Variants in GLIS3 observed in about 807,000 individuals in gnomAD.
GLIS3 encodes the protein GLIS family zinc finger 3.
GLIS3 carries 53 observed loss-of-function variants against 78.6 expected under a neutral mutation model. The ratio of observed to expected loss-of-function variants is 0.67; its 90% confidence interval spans 0.54 to 0.85. The LOEUF (loss-of-function observed/expected upper bound fraction) is 0.85, where lower values mean the gene tolerates loss of function less well. Among genes scored for constraint, GLIS3 ranks in the 40% least tolerant of loss-of-function variants. The pLI is 0.00. For synonymous variants in GLIS3, 684 were observed against 509.9 expected, an observed-to-expected ratio of 1.34 and a Z score of -4.60; for missense variants, 1,703 against 1,231.1, an observed-to-expected ratio of 1.38 and a Z score of -5.74.
chr9:4,166,950 C>T lies in GLIS3; in HGVS notation c.389-41009G>A, dbSNP rs573222615. Among the ~76,000 whole-genome samples, 10 of 152,302 alleles carry T rather than the reference C, an allele frequency of 6.6e-5. No individual in the cohort carries two copies. In the East Asian group the frequency reaches 7.7e-4, roughly 12 times the overall value. On this transcript the variant is annotated intron_variant, in intron 2 of 10. Coordinates refer to ENST00000381971, the MANE Select transcript of GLIS3 (RefSeq NM_001042413.2). Reference sequence around the variant, plus strand: ...AACCAAGGTTAAAAACAAAAAGTCACGTGTGTTCCTGTTTGCGAACAACTC... The same window carrying T: ...AACCAAGGTTAAAAACAAAAAGTCATGTGTGTTCCTGTTTGCGAACAACTC...
intron 2 of GLIS3, among the ~76,000 whole-genome samples, chr9:4,156,034 G>A (rs191701307): frequency 1.4e-4 from 22 of 151,990 alleles, no homozygotes; most frequent in Admixed American, 1.4e-3. Flanking sequence ...ATAAATCCCT[G>A]AACTCCTCAT....
intron 4 of GLIS3, among the ~76,000 whole-genome samples, chr9:4,048,028 G>T (rs982496119): frequency 6.6e-6 from 1 of 152,172 alleles, no homozygotes; most frequent in African/African-American, 2.4e-5. Context: ...GGCTTAGGCA[G>T]TGGGGAAAGG....
At chr9:4,322,201 C>A (rs1472509068) in intron 2 of GLIS3, among the ~76,000 whole-genome samples, 1 of 152,188 alleles carries the variant, frequency 6.6e-6, no homozygotes, top group Non-Finnish European at 1.5e-5. Flanking sequence ...CTACAAAGGA[C>A]ATGAACTCAT....
At chr9:3,904,976 CTTTTTTTTTTTT>C (rs751912495) in intron 6 of GLIS3, among the ~76,000 whole-genome samples, 1 of 139,382 alleles carries the variant, frequency 7.2e-6, no homozygotes, top group Non-Finnish European at 1.6e-5. Flanking sequence ...TCTTATGACT[CTTTTTTTTTTTT>C]TTGAGACGGA....
At chr9:4,199,668 T>C (rs938851276) in intron 2 of GLIS3, among the ~76,000 whole-genome samples, 1 of 151,934 alleles carries the variant, frequency 6.6e-6, no homozygotes, top group Non-Finnish European at 1.5e-5. Flanking sequence ...CAAGTACTTC[T>C]AGACCTACAA....
rs1265317427 is a variant in GLIS3, at chr9:3,991,683, A to AATTTTTTTTTTTTTTTTTTTTTTTTTTT, written c.1711-54495_1711-54494insAAAAAAAAAAAAAAAAAAAAAAAAAAAT. Among the ~76,000 whole-genome samples, 24 of 87,906 alleles carry AATTTTTTTTTTTTTTTTTTTTTTTTTTT rather than the reference A, an allele frequency of 2.7e-4. 1 individual carries two copies. Among genetic ancestry groups the AATTTTTTTTTTTTTTTTTTTTTTTTTTT allele is most frequent in the South Asian group, 1.4e-3 (3 of 2,118 alleles). The allele number at this position is 87,906 out of a possible 152,430, so 57.7% of individuals were successfully genotyped here. On this transcript the variant is annotated intron_variant, in intron 4 of 10. Coordinates refer to ENST00000381971, the MANE Select transcript of GLIS3 (RefSeq NM_001042413.2). ...GTTCAGAATTTCATTAAGTAGGCTG[A>AATTTTTTTTTTTTTTTTTTTTTTTTTTT]TTTTTTTTTTTTTTTTTTTTTTTTT...
At chr9:4,306,595 T>C (rs1405542435) in intron 4 of GLIS3, among the ~76,000 whole-genome samples, 1 of 152,230 alleles carries the variant, frequency 6.6e-6, no homozygotes, top group Admixed American at 6.5e-5. Context: ...ATAGGATTTT[T>C]CTCATTCCTA....
intron 2 of GLIS3, among the ~76,000 whole-genome samples, chr9:4,267,034 G>C (rs190730833): frequency 1.3e-5 from 2 of 152,236 alleles, no homozygotes; most frequent in Admixed American, 1.3e-4. Context: ...GAAAATGTTG[G>C]TTTGAGAAAA....
rs560829094 is a variant in GLIS3, at chr9:3,986,686, G to A, written c.1711-49497C>T. ...GGCGGCCTGACTGTGAAGCCCTTTTGCCCCCTCGGGCAGTACCAGCAGGGA... is the reference window on the plus strand; with the variant it reads ...GGCGGCCTGACTGTGAAGCCCTTTTACCCCCTCGGGCAGTACCAGCAGGGA... On this transcript the variant is annotated intron_variant, in intron 4 of 10. Coordinates refer to ENST00000381971, the MANE Select transcript of GLIS3 (RefSeq NM_001042413.2). Among the ~76,000 whole-genome samples, 4 of 152,332 alleles carry A rather than the reference G, an allele frequency of 2.6e-5. No homozygotes were observed. The South Asian group carries it at 8.3e-4, about 32-fold the overall frequency.
chr9:4,405,095 C>G, the GLIS3 span, among the ~76,000 whole-genome samples: 1 of 152,100 alleles, frequency 6.6e-6, no homozygotes, highest in Non-Finnish European at 1.5e-5. Flanking sequence ...TGGCTCATGC[C>G]TGTAATCCCA....
chr9:4,145,975 T>C (rs541491290), intron 2 of GLIS3, among the ~76,000 whole-genome samples: 1 of 152,312 alleles, frequency 6.6e-6, no homozygotes, highest in South Asian at 2.1e-4. Flanking sequence ...TGAAAAGGCA[T>C]GGACAATTGA....
chr9:4,137,601 G>T (rs968770198), intron 2 of GLIS3, among the ~76,000 whole-genome samples: 7 of 148,544 alleles, frequency 4.7e-5, no homozygotes, highest in Admixed American at 6.7e-5. Context: ...ATATTATTAG[G>T]AACCTACATC....
intron 4 of GLIS3, among the ~76,000 whole-genome samples, chr9:4,075,018 T>C (rs550984095): frequency 6.6e-6 from 1 of 152,220 alleles, no homozygotes; most frequent in Non-Finnish European, 1.5e-5. Flanking sequence ...ACAGACGTAC[T>C]CACCAAATAA....
intron 1 of GLIS3, among the ~76,000 whole-genome samples, chr9:4,292,901 T>C (rs963784048): frequency 5.9e-5 from 9 of 152,190 alleles, no homozygotes; most frequent in African/African-American, 1.2e-4. Flanking sequence ...GAATTTGAAA[T>C]GGAAAAATGA....
the GLIS3 span, among the ~76,000 whole-genome samples, chr9:4,366,563 G>GA: frequency 6.6e-6 from 1 of 152,146 alleles, no homozygotes; most frequent in South Asian, 2.1e-4. Flanking sequence ...CGCAATTCAT[G>GA]AATTTTAAAA....
intron 2 of GLIS3, among the ~76,000 whole-genome samples, chr9:4,280,634 G>T (rs1186607531): frequency 3.3e-5 from 5 of 152,220 alleles, no homozygotes; most frequent in South Asian, 4.1e-4. Flanking sequence ...TGCAATGATT[G>T]GTTAATTTAA....
the GLIS3 span, among the ~76,000 whole-genome samples, chr9:4,429,032 T>C: frequency 1.3e-5 from 2 of 152,198 alleles, no homozygotes; most frequent in Admixed American, 6.5e-5. Flanking sequence ...GTCTCCTAAC[T>C]GGTCTACCCT....
rs372939997 is a variant in GLIS3 at position 4,116,026 on chromosome 9, T to C, written c.1710+1742A>G. 1.8e-4 allele frequency among the ~76,000 whole-genome samples: 27 copies of C among 152,378 alleles called. No individual in the cohort carries two copies. The East Asian group carries it at 4.4e-3, about 25-fold the overall frequency. The stretch of plus-strand genomic sequence containing the variant: ...GAAGTATTTATATTTTTGATATTTA[T>C]CGTGCACTTCAGCAAAAATCAACTT... On this transcript the variant is annotated intron_variant, in intron 4 of 10. Coordinates refer to ENST00000381971, the MANE Select transcript of GLIS3 (RefSeq NM_001042413.2).
At chr9:4,186,551 C>T (rs1349375513) in intron 2 of GLIS3, among the ~76,000 whole-genome samples, 1 of 151,542 alleles carries the variant, frequency 6.6e-6, no homozygotes, top group Admixed American at 6.6e-5. Flanking sequence ...ATTCCTAGTT[C>T]TAGATCCCTG....
Sources: allele counts gnomAD v4.1 joint callset (sites outside exome capture counted in the v4.1 genomes callset), GRCh38; gene constraint gnomAD v4.1.1; transcripts MANE v1.5; gene names NCBI Gene and HGNC (gene_info 2026-07-23, HGNC 2026-07-21).